Variants in PRELID2 observed in about 807,000 individuals in gnomAD.
PRELID2 encodes PRELI domain containing 2, also known as PRELI domain-containing protein 2.
PRELID2 carries 25 observed loss-of-function variants against 28.4 expected under a neutral mutation model. That is an observed-to-expected ratio of 0.88 (90% CI 0.64 to 1.23). PRELID2 has a LOEUF of 1.23. Among genes scored for constraint, PRELID2 ranks in the 50% most tolerant of loss-of-function variants. PRELID2 has a pLI of 0.00. For synonymous variants in PRELID2, 76 were observed against 71.6 expected, an observed-to-expected ratio of 1.06 and a Z score of -0.31; for missense variants, 201 against 214.4, an observed-to-expected ratio of 0.94 and a Z score of 0.39.
chr5:145,278,575 G>T, the PRELID2 span, among the ~76,000 whole-genome samples: 1 of 152,134 alleles, frequency 6.6e-6, no homozygotes, highest in Non-Finnish European at 1.5e-5. Flanking sequence ...GCCAGCATGG[G>T]AGAGAGAGAC....
At chr5:145,545,427 T>C (rs1205522345) in intron 1 of PRELID2, among the ~76,000 whole-genome samples, 2 of 148,030 alleles carry the variant, frequency 1.4e-5, no homozygotes, top group Admixed American at 6.8e-5. Flanking sequence ...GAAGCAACCA[T>C]GTATATATGA....
chr5:145,564,991 T>G (rs1030158307), intron 1 of PRELID2, among the ~76,000 whole-genome samples: 11 of 152,206 alleles, frequency 7.2e-5, no homozygotes, highest in Non-Finnish European at 1.5e-4. Flanking sequence ...ACCCACTGTC[T>G]AACCAGTCCT....
At chr5:145,257,075 A>G in the PRELID2 span, among the ~76,000 whole-genome samples, 30 of 152,114 alleles carry the variant, frequency 2.0e-4, no homozygotes, top group African/African-American at 7.2e-4. Flanking sequence ...TGAATATTTC[A>G]GTAAATATAA....
chr5:145,656,082 G>T (rs1754387735), intron 1 of PRELID2, among the ~76,000 whole-genome samples: 1 of 152,146 alleles, frequency 6.6e-6, no homozygotes, highest in African/African-American at 2.4e-5. Flanking sequence ...CCATCACAAA[G>T]TGGGCAAAGG....
At chr5:145,665,327 G>A (rs1754567103) in intron 1 of PRELID2, among the ~76,000 whole-genome samples, 1 of 152,156 alleles carries the variant, frequency 6.6e-6, no homozygotes, top group Non-Finnish European at 1.5e-5. Flanking sequence ...TCGCTGTCTG[G>A]AACACTGTGC....
the PRELID2 span, among the ~76,000 whole-genome samples, chr5:145,338,680 T>C: frequency 1.3e-5 from 2 of 152,234 alleles, no homozygotes; most frequent in African/African-American, 4.8e-5. Flanking sequence ...TTTGAGTCTT[T>C]ACTCTGTGAC....
At chr5:145,257,585 A>G in the PRELID2 span, among the ~76,000 whole-genome samples, 10 of 152,158 alleles carry the variant, frequency 6.6e-5, no homozygotes, top group African/African-American at 1.2e-4. Context: ...AGACACAACT[A>G]ATGATGTTCA....
intron 1 of PRELID2, among the ~76,000 whole-genome samples, chr5:145,491,735 T>G (rs1457272984): frequency 6.6e-6 from 1 of 151,782 alleles, no homozygotes; most frequent in Non-Finnish European, 1.5e-5. Context: ...GTAACCACTA[T>G]TCTATTTTCT....
chr5:145,455,409 A>ATTGTC, the PRELID2 span, among the ~76,000 whole-genome samples: 1 of 151,852 alleles, frequency 6.6e-6, no homozygotes, highest in South Asian at 2.1e-4. Context: ...TTTGCTTAGG[A>ATTGTC]TTGTCTTGGC....
chr5:145,371,524 T>G, the PRELID2 span, among the ~76,000 whole-genome samples: 3 of 152,128 alleles, frequency 2.0e-5, no homozygotes, highest in African/African-American at 7.2e-5. Flanking sequence ...AGTATTTTAT[T>G]GAGGATTTTC....
the PRELID2 span, among the ~76,000 whole-genome samples, chr5:145,356,343 A>C: frequency 6.6e-6 from 1 of 151,984 alleles, no homozygotes; most frequent in Non-Finnish European, 1.5e-5. Context: ...TTTTAATATA[A>C]ATAATAATCA....
chr5:145,728,639 A>G (rs774735940), intron 1 of PRELID2: 35 of 1,311,002 alleles, frequency 2.7e-5, no homozygotes, highest in Non-Finnish European at 3.8e-5. Context: ...CATAACGAAC[A>G]TAACCAATAT....
chr5:145,465,572 C>T, the PRELID2 span, among the ~76,000 whole-genome samples: 3 of 151,958 alleles, frequency 2.0e-5, no homozygotes, highest in African/African-American at 7.3e-5. Context: ...GATGTGACCC[C>T]GGGGCAAGCT....
chr5:145,383,340 AC>A, the PRELID2 span, among the ~76,000 whole-genome samples: 5 of 151,276 alleles, frequency 3.3e-5, no homozygotes, highest in East Asian at 9.7e-4. Flanking sequence ...TTATACACAC[AC>A]ACACACATAC....
At chr5:145,273,403 C>T in the PRELID2 span, among the ~76,000 whole-genome samples, 1 of 151,938 alleles carries the variant, frequency 6.6e-6, no homozygotes, top group African/African-American at 2.4e-5. Flanking sequence ...GAGGGAAACT[C>T]CGATGTAACC....
chr5:145,358,713 T>C, the PRELID2 span, among the ~76,000 whole-genome samples: 1 of 152,304 alleles, frequency 6.6e-6, no homozygotes, highest in African/African-American at 2.4e-5. Flanking sequence ...AAATGGTCCC[T>C]TCAATATTTT....
chr5:145,650,325 T>C (rs1252763476), intron 1 of PRELID2, among the ~76,000 whole-genome samples: 1 of 151,896 alleles, frequency 6.6e-6, no homozygotes, highest in Non-Finnish European at 1.5e-5. Context: ...ATCACCTCTA[T>C]GGGATTCTCT....
chr5:145,328,925 T>C, the PRELID2 span, among the ~76,000 whole-genome samples: 1 of 152,228 alleles, frequency 6.6e-6, no homozygotes, highest in Admixed American at 6.5e-5. Flanking sequence ...CATTTAAGCC[T>C]TTAATCCATC....
At chr5:145,667,917 T>A (rs1754627434) in intron 1 of PRELID2, among the ~76,000 whole-genome samples, 1 of 152,080 alleles carries the variant, frequency 6.6e-6, no homozygotes, top group Non-Finnish European at 1.5e-5. Context: ...AAAGCACAAT[T>A]CTAGAAGTCA....
Sources: gnomAD v4.1 joint callset for allele counts (sites outside exome capture counted in the v4.1 genomes callset) on GRCh38, gnomAD v4.1.1 for gene constraint, MANE v1.5 for transcripts, NCBI Gene and HGNC (gene_info 2026-07-23, HGNC 2026-07-21) for gene names.